The following USP20 variants were observed in gnomAD, a reference collection of about 807,000 sequenced individuals.
USP20 encodes the protein ubiquitin carboxyl-terminal hydrolase 20.
In USP20, 80 loss-of-function variants were observed where a neutral mutation model predicts 124.2. The observed-to-expected ratio is 0.64, with a 90% confidence interval of 0.54 to 0.78. The LOEUF is 0.78. Among genes scored for constraint, USP20 ranks in the 30% least tolerant of loss-of-function variants. The pLI is 0.00. For synonymous variants in USP20, 481 were observed against 512.3 expected, an observed-to-expected ratio of 0.94 and a Z score of 0.83; for missense variants, 1,043 against 1,244.4, an observed-to-expected ratio of 0.84 and a Z score of 2.44.
At chr9:129,846,683 G>A (rs1006692729) in intron 1 of USP20, among the ~76,000 whole-genome samples, 4 of 150,830 alleles carry the variant, frequency 2.7e-5, no homozygotes, top group African/African-American at 9.8e-5. Context: ...GAGTGCAGTG[G>A]CACGATCTTC....
At chr9:129,873,080 C>CTTTTTTTTTTTTTT (rs59712662) in intron 15 of USP20, among the ~76,000 whole-genome samples, 4 of 78,356 alleles carry the variant, frequency 5.1e-5, no homozygotes, top group East Asian at 4.5e-4. Flanking sequence ...TTTTCTTCTT[C>CTTTTTTTTTTTTTT]TTTTTTTTTT....
At chr9:129,875,994 A>G in intron 21 of USP20, 136 bp from the exon 22 acceptor site, 3 of 753,108 alleles carry the variant, frequency 4.0e-6, no homozygotes, top group Non-Finnish European at 6.4e-6. Flanking sequence ...TGTGGTGCTC[A>G]CACAGAGGTG....
At chr9:129,851,135 A>T (rs2032895696) in intron 2 of USP20, among the ~76,000 whole-genome samples, 1 of 152,102 alleles carries the variant, frequency 6.6e-6, no homozygotes, top group Admixed American at 6.6e-5. Flanking sequence ...GCATTTATTT[A>T]GTTACTCATT....
intron 2 of USP20, 144 bp from the exon 3 acceptor site, chr9:129,852,392 CAGAG>C: frequency 1.6e-6 from 1 of 644,316 alleles, no homozygotes; most frequent in Non-Finnish European, 2.7e-6. Context: ...AAGTGATGCT[CAGAG>C]AGGTTAAGCA....
At position 129,874,722 on chromosome 9, in the gene USP20, CCT is replaced by C; in HGVS notation, c.1891_1892del (p.Ser631GlyfsTer29). ...CTSQITTYDLLSVICHHGTAG... is the reference protein window; with the variant it reads ...CTSQITTYDLXSVICHHGTAG... The stretch of plus-strand genomic sequence containing the variant: ...CATCCCAGATCACCACCTACGACCT[CCT>C]CTCGGTCATCTGCCACCACGGCACG... On this transcript the variant is annotated frameshift_variant, in exon 18 of 26. Transcript: ENST00000372429. LOFTEE classifies it high-confidence loss of function. The C allele has an allele frequency of 6.2e-7, 1 of 1,613,984 alleles. No individual in the cohort carries two copies. Among genetic ancestry groups the C allele is most frequent in the Non-Finnish European group, 8.5e-7 (1 of 1,180,026 alleles).
intron 8 of USP20, among the ~76,000 whole-genome samples, chr9:129,862,911 A>AATG (rs1396589027): frequency 7.6e-6 from 1 of 131,856 alleles, no homozygotes; most frequent in African/African-American, 3.1e-5. Flanking sequence ...GTTTCAAAAT[A>AATG]ATAATAATAA....
Position 129,863,172 on chromosome 9 carries a change from T to C in USP20, c.498-14T>C, listed in dbSNP as rs916173596. ...TTTGCTCTCCTGACCTGGCTCTCTCTCCCCTGCACCCAGCCCGCCGCTGAC... is the reference window on the plus strand; with the variant it reads ...TTTGCTCTCCTGACCTGGCTCTCTCCCCCCTGCACCCAGCCCGCCGCTGAC... On this transcript the variant is annotated splice_polypyrimidine_tract_variant and intron_variant, in intron 8 of 25. Transcript: ENST00000372429. 3 of 1,510,262 alleles carry C rather than the reference T, an allele frequency of 2.0e-6. No individual in the cohort carries two copies. The highest frequency in any genetic ancestry group is 2.7e-6 in the Non-Finnish European group (3 of 1,116,502). 93.6% of individuals were successfully genotyped at this position (1,510,262 alleles called of 1,614,324 possible).
intron 10 of USP20, among the ~76,000 whole-genome samples, chr9:129,866,315 C>T (rs1163928957): frequency 6.6e-6 from 1 of 152,230 alleles, no homozygotes; most frequent in African/African-American, 2.4e-5. Flanking sequence ...CTGGACACCT[C>T]TCTTTTTGGG....
intron 1 of USP20, among the ~76,000 whole-genome samples, chr9:129,843,186 T>A (rs1197148110): frequency 6.6e-6 from 1 of 151,682 alleles, no homozygotes; most frequent in South Asian, 2.1e-4. Flanking sequence ...TCCCAGCACT[T>A]TGGGAGGCCG....
At chr9:129,874,510 T>A in intron 17 of USP20, 66 bp from the exon 18 acceptor site, 3 of 1,588,330 alleles carry the variant, frequency 1.9e-6, no homozygotes, top group Middle Eastern at 1.7e-4. Context: ...CCTGGGCCCG[T>A]GGGCAAGGCT....
Position 129,873,692 on chromosome 9 carries a change from T to C in USP20, c.1695-7T>C. ...GACACTGATGCTGGCTCGTGCTTCC[T>C]CCCCAGGCTGCGGAACGGAGTGAAG... On this transcript the variant is annotated splice_polypyrimidine_tract_variant and splice_region_variant and intron_variant, in intron 16 of 25. Coordinates refer to ENST00000372429, the MANE Select transcript of USP20 (RefSeq NM_001110303.4). The C allele has an allele frequency of 6.2e-7, 1 of 1,613,508 alleles. No homozygotes were observed. Among genetic ancestry groups the C allele is most frequent in the Non-Finnish European group, 8.5e-7 (1 of 1,180,010 alleles).
At chr9:129,875,053 A>C in intron 19 of USP20, 98 bp downstream of exon 19, 1 of 1,488,382 alleles carries the variant, frequency 6.7e-7, no homozygotes, top group Non-Finnish European at 8.9e-7. Context: ...CGCCTGGATT[A>C]AGCCAGGGAA....
At chr9:129,835,685 G>A (rs114251487) in intron 1 of USP20, 186 bp downstream of exon 1, 6,260 of 154,542 alleles carry the variant, frequency 0.041, 445 homozygotes, top group African/African-American at 0.14. Context: ...CGGCGCCCAG[G>A]GGGGCCTCTG....
At chr9:129,861,418 C>T (rs2033541613) in intron 7 of USP20, 125 bp from the exon 8 acceptor site, 4 of 843,130 alleles carry the variant, frequency 4.7e-6, no homozygotes, top group Non-Finnish European at 8.0e-6. Flanking sequence ...GGAACGCTTC[C>T]ACCATGTCCT....
At chr9:129,854,891 G>A (rs1260787401) in intron 3 of USP20, among the ~76,000 whole-genome samples, 2 of 152,314 alleles carry the variant, frequency 1.3e-5, no homozygotes, top group African/African-American at 2.4e-5. Flanking sequence ...GAATCTGGGT[G>A]TAGTGACAAT....
intron 16 of USP20, 65 bp from the exon 17 acceptor site, chr9:129,873,634 G>C: frequency 6.2e-7 from 1 of 1,613,652 alleles, no homozygotes; most frequent in Non-Finnish European, 8.5e-7. Flanking sequence ...GCCGGGTGGA[G>C]GGCTGCTTCC....
At chr9:129,863,135 C>A in intron 8 of USP20, 51 bp from the exon 9 acceptor site, 1 of 1,422,778 alleles carries the variant, frequency 7.0e-7, no homozygotes, top group Non-Finnish European at 9.5e-7. Flanking sequence ...TTCTAAACTG[C>A]CGCATGCCTC....
chr9:129,875,231 G>A, intron 19 of USP20, 79 bp from the exon 20 acceptor site: 1 of 1,438,826 alleles, frequency 7.0e-7, no homozygotes, highest in Non-Finnish European at 9.3e-7. Context: ...AGCCCGAGGT[G>A]CACTGGGATG....
intron 10 of USP20, among the ~76,000 whole-genome samples, chr9:129,867,525 G>A (rs1401699670): frequency 1.3e-5 from 2 of 152,112 alleles, no homozygotes; most frequent in Admixed American, 1.3e-4. Context: ...AGTCTGGCCT[G>A]TGGGTAGCGT....
Sources: gnomAD v4.1 joint callset for allele counts (sites outside exome capture counted in the v4.1 genomes callset) on GRCh38, gnomAD v4.1.1 for gene constraint, MANE v1.5 for transcripts, NCBI Gene and HGNC (gene_info 2026-07-23, HGNC 2026-07-21) for gene names.